SLC2A4RG: variants seen among roughly 807,000 people sequenced by gnomAD.
The protein encoded by SLC2A4RG is GLUT4 enhancer factor.
A neutral mutation model predicts 35.5 loss-of-function variants in SLC2A4RG; 23 were observed. That is an observed-to-expected ratio of 0.65 (90% CI 0.47 to 0.92). SLC2A4RG has a LOEUF of 0.92. Ranked by LOEUF, SLC2A4RG falls within the 40% of genes least tolerant of loss-of-function variation. SLC2A4RG has a pLI of 0.00. For synonymous variants in SLC2A4RG, 306 were observed against 243.7 expected, an observed-to-expected ratio of 1.26 and a Z score of -2.38; for missense variants, 539 against 525.0, an observed-to-expected ratio of 1.03 and a Z score of -0.26.
At chr20:63,742,077 C>G (rs1408369637) in intron 4 of SLC2A4RG, 21 bp downstream of exon 4, 6 of 1,611,198 alleles carry the variant, frequency 3.7e-6, no homozygotes, top group Non-Finnish European at 5.1e-6. Context: ...GGGCGGCCCC[C>G]AGGGAGGGGC....
chr20:63,741,721 G>A (rs559364015), intron 3 of SLC2A4RG, 148 bp from the exon 4 acceptor site: 57 of 1,409,410 alleles, frequency 4.0e-5, no homozygotes, highest in Admixed American at 2.0e-4. Flanking sequence ...TCCTGTGCCG[G>A]GGGGGTTTCT....
At chr20:63,740,243 G>A (rs2092034863) in intron 1 of SLC2A4RG, 134 bp from the exon 2 acceptor site, 3 of 555,600 alleles carry the variant, frequency 5.4e-6, no homozygotes, top group South Asian at 1.7e-4. Flanking sequence ...GCGGGGCCGG[G>A]GGCGGGGCCG....
At chr20:63,740,707 C>T (rs906006331) in intron 2 of SLC2A4RG, among the ~76,000 whole-genome samples, 176 bp downstream of exon 2, 8 of 152,224 alleles carry the variant, frequency 5.3e-5, no homozygotes, top group Non-Finnish European at 8.8e-5. Context: ...CTGGGAGTCC[C>T]TACACCTCCC....
Position 63,742,861 on chromosome 20 carries a change from C to G in SLC2A4RG, c.1053-18C>G, listed in dbSNP as rs371686904. 45 of 1,605,904 alleles carry G rather than the reference C, an allele frequency of 2.8e-5. No homozygotes were observed. Among genetic ancestry groups the G allele is most frequent in the Non-Finnish European group, 3.7e-5 (43 of 1,176,896 alleles). The stretch of plus-strand genomic sequence containing the variant: ...TCCTGGTCTCACAGCACCCCATGTC[C>G]TGTGACCCCCCGCACAGGAAGCCCC... On this transcript the variant is annotated intron_variant, in intron 7 of 7. Transcript: ENST00000266077.
intron 2 of SLC2A4RG, chr20:63,741,149 G>A (rs1389653188): frequency 5.2e-6 from 3 of 573,322 alleles, no homozygotes; most frequent in Non-Finnish European, 9.4e-6. Flanking sequence ...CCGCGATGTG[G>A]AGAACTCAGG....
At position 63,743,943 on chromosome 20, in the gene SLC2A4RG, TC is replaced by T. The variant is rs759888616; in HGVS notation, c.*957del. ...TAGGAAGTCAATATAATATAGATTA[TC>T]CCCAGAAAAAAATCAACAATCTTCA... On this transcript the variant is annotated 3_prime_UTR_variant, in exon 8 of 8. Coordinates refer to ENST00000266077, the MANE Select transcript of SLC2A4RG (RefSeq NM_020062.4). The T allele has an allele frequency of 2.0e-5, 3 of 152,560 alleles. No individual in the cohort carries two copies. The highest frequency in any genetic ancestry group is 2.4e-5 in the African/African-American group (1 of 41,416). The allele number at this position is 152,560 out of a possible 1,614,324, so 9.5% of individuals were successfully genotyped here.
intron 2 of SLC2A4RG, 63 bp from the exon 3 acceptor site, chr20:63,741,307 C>A (rs1185011732): frequency 3.3e-6 from 5 of 1,498,490 alleles, no homozygotes; most frequent in South Asian, 1.1e-5. Flanking sequence ...GCACGTGGAC[C>A]GACCAGGGGA....
chr20:63,740,348 C>A, intron 1 of SLC2A4RG, 29 bp from the exon 2 acceptor site: 1 of 1,223,272 alleles, frequency 8.2e-7, no homozygotes, highest in Non-Finnish European at 1.0e-6. Flanking sequence ...CCACCGCCTC[C>A]GCTGAGTCTG....
At position 63,742,351 on chromosome 20, in the gene SLC2A4RG, T is replaced by A. The variant is rs372860537; in HGVS notation, c.696T>A (p.Pro232=). 4 of 1,609,042 alleles carry A rather than the reference T, an allele frequency of 2.5e-6. No homozygotes were observed. Among genetic ancestry groups the A allele is most frequent in the Non-Finnish European group, 3.4e-6 (4 of 1,177,610 alleles). Residue 232 remains proline (P), a synonymous_variant, in exon 6 of 8, where the codon CCT becomes CCA. Transcript: ENST00000266077. Reference sequence around the variant, plus strand: ...TCTCCCGCAGGAGGCAGGCAGAGCCTGAGCAGAGTGATGGTGAGGAGGACT... The same window carrying A: ...TCTCCCGCAGGAGGCAGGCAGAGCCAGAGCAGAGTGATGGTGAGGAGGACT... ...RLVHLGRQAE[P]EQSDGEEDFY... is the part of the protein sequence containing the mutation.
rs780902928 is a variant in SLC2A4RG at position 63,741,503 on chromosome 20, A to G, written c.391+24A>G. On this transcript the variant is annotated intron_variant, in intron 3 of 7. Transcript: ENST00000266077. ...AGGTAAGACTCAGATGTCTGCATTT[A>G]GGGGTGTGGGTGGGGACAGGGCTCA... 8 of 1,600,926 alleles carry G rather than the reference A, an allele frequency of 5.0e-6. No homozygotes were observed. The Admixed American group carries it at 5.0e-5, about 10-fold the overall frequency.
Position 63,742,387 on chromosome 20 carries a change from A to T in SLC2A4RG, c.732A>T (p.Thr244=). The part of the protein sequence containing the change: ...QSDGEEDFYY[T]ELDVGVDTLT... ...ATGGTGAGGAGGACTTCTACTACACAGAGCTGGATGTTGGTGTGGACACGC... is the reference window on the plus strand; with the variant it reads ...ATGGTGAGGAGGACTTCTACTACACTGAGCTGGATGTTGGTGTGGACACGC... The change falls in exon 6 of 8, where the codon ACA becomes ACT. Residue 244 remains threonine, a synonymous_variant. Transcript: ENST00000266077. The T allele has an allele frequency of 6.2e-7, 1 of 1,611,798 alleles. No homozygotes were observed. Among genetic ancestry groups the T allele is most frequent in the Non-Finnish European group, 8.5e-7 (1 of 1,179,434 alleles).
In SLC2A4RG at chr20:63,742,685, G is replaced by T; in HGVS notation, c.961-14G>T. 6.3e-7 allele frequency: 1 copy of T among 1,596,276 alleles called. No homozygotes were observed. The highest frequency in any genetic ancestry group is 1.1e-5 in the South Asian group (1 of 88,892). ...TCTGGAGGGGAGTGAAGCCCTGGCTGTGTCTCCCTGTAGGGCTGCCTGACG... is the reference window on the plus strand; with the variant it reads ...TCTGGAGGGGAGTGAAGCCCTGGCTTTGTCTCCCTGTAGGGCTGCCTGACG... On this transcript the variant is annotated splice_polypyrimidine_tract_variant and intron_variant, in intron 6 of 7. Coordinates refer to ENST00000266077, the MANE Select transcript of SLC2A4RG (RefSeq NM_020062.4).
chr20:63,740,183 G>A (rs1358381991), intron 1 of SLC2A4RG, 145 bp downstream of exon 1: 4 of 402,244 alleles, frequency 9.9e-6, no homozygotes, highest in Non-Finnish European at 1.3e-5. Context: ...GGGTCCCGCC[G>A]GGGCTGCGCC....
chr20:63,741,260 G>A (rs547968774), intron 2 of SLC2A4RG, 110 bp from the exon 3 acceptor site: 19 of 984,152 alleles, frequency 1.9e-5, no homozygotes, highest in Non-Finnish European at 2.3e-5. Flanking sequence ...CCCAGGGCTG[G>A]GAGTGGGGAG....
At chr20:63,741,630 C>A in intron 3 of SLC2A4RG, 151 bp downstream of exon 3, 1 of 1,128,018 alleles carries the variant, frequency 8.9e-7, no homozygotes, top group Non-Finnish European at 1.2e-6. Context: ...CTACTGAGGC[C>A]AAAGCGGCAG....
At position 63,740,008 on chromosome 20, in the gene SLC2A4RG, C is replaced by T. The variant is rs2092033580; in HGVS notation, c.96C>T (p.Ala32=). 1.0e-6 allele frequency: 1 copy of T among 981,050 alleles called. No homozygotes were observed. The highest frequency in any genetic ancestry group is 6.3e-5 in the Admixed American group (1 of 15,782). The allele number at this position is 981,050 out of a possible 1,614,324, so 60.8% of individuals were successfully genotyped here. A position where few individuals can be genotyped will look rare whatever the true frequency, so the allele number is the denominator to read the frequency against. ...GCGCGGAGGGTCCGGGGCCGCGCGC[C>T]GCGCCCGTGACGGTGCCCACGCCGC... ...WLRAEGPGPR[A]APVTVPTPPQ... is the part of the protein sequence containing the mutation. The change falls in exon 1 of 8, where the codon GCC becomes GCT. Residue 32 remains alanine, a synonymous_variant. Coordinates refer to ENST00000266077, the MANE Select transcript of SLC2A4RG (RefSeq NM_020062.4).
At chr20:63,741,564 G>A in intron 3 of SLC2A4RG, 85 bp downstream of exon 3, 1 of 1,315,470 alleles carries the variant, frequency 7.6e-7, no homozygotes, top group Non-Finnish European at 1.1e-6. Context: ...GGGGCAAGCA[G>A]AGCCCTCAAA....
intron 2 of SLC2A4RG, 36 bp from the exon 3 acceptor site, chr20:63,741,334 G>A (rs1287391309): frequency 1.9e-6 from 3 of 1,595,028 alleles, no homozygotes; most frequent in South Asian, 2.2e-5. Flanking sequence ...CAGAGCTCTG[G>A]CTGGGTCACC....
chr20:63,741,913 G>GGCAGCTACA lies in SLC2A4RG; in HGVS notation c.442_450dup (p.Tyr148_Ser150dup). On this transcript the variant is annotated inframe_insertion, in exon 4 of 8. Transcript: ENST00000266077. ...GAAGGAGGCCCTGGTGCGGCCCCCA[G>GGCAGCTACA]GCAGCTACAGCAGCAGCAGCAACAG... 1 of 1,611,626 alleles carries GGCAGCTACA rather than the reference G, an allele frequency of 6.2e-7. No homozygotes were observed. Among genetic ancestry groups the GGCAGCTACA allele is most frequent in the Non-Finnish European group, 8.5e-7 (1 of 1,179,482 alleles).
Sources: gnomAD v4.1 joint callset for allele counts (sites outside exome capture counted in the v4.1 genomes callset) on GRCh38, gnomAD v4.1.1 for gene constraint, MANE v1.5 for transcripts, NCBI Gene and HGNC (gene_info 2026-07-23, HGNC 2026-07-21) for gene names.